Variants in HAPLN1 observed in about 807,000 individuals in gnomAD.
The protein encoded by HAPLN1 is hyaluronan and proteoglycan link protein 1.
In HAPLN1, 13 loss-of-function variants were observed where a neutral mutation model predicts 36.5. The observed-to-expected ratio is 0.36, with a 90% CI of 0.23 to 0.57. The LOEUF is 0.57. Ranked by LOEUF, HAPLN1 falls within the 20% of genes least tolerant of loss-of-function variation. The pLI, the probability that HAPLN1 is intolerant of heterozygous loss-of-function variation, is 0.83. For missense variants in HAPLN1, 407 were observed against 439.7 expected (o/e 0.93, Z 0.66); for synonymous variants, 202 against 169.8 (o/e 1.19, Z -1.48).
At chr5:83,684,893 G>T (rs979289546) in intron 1 of HAPLN1, among the ~76,000 whole-genome samples, 7 of 152,066 alleles carry the variant, frequency 4.6e-5, no homozygotes, top group Non-Finnish European at 2.9e-5. Context: ...TTCTCAATCT[G>T]ACATGCATAC....
intron 1 of HAPLN1, among the ~76,000 whole-genome samples, chr5:83,694,919 G>A (rs1242205948): frequency 6.6e-6 from 1 of 151,898 alleles, no homozygotes; most frequent in Non-Finnish European, 1.5e-5. Context: ...TATTCTATGA[G>A]GCTAGCATTA....
rs945971707 is a variant in HAPLN1 at position 83,640,361 on chromosome 5, T to C, written c.*1135A>G. 2 of 152,118 alleles carry C rather than the reference T, an allele frequency of 1.3e-5. No individual in the cohort carries two copies. Among genetic ancestry groups the C allele is most frequent in the African/African-American group, 2.4e-5 (1 of 41,450 alleles). 9.4% of individuals were successfully genotyped at this position (152,118 alleles called of 1,614,324 possible). A position where few individuals can be genotyped will look rare whatever the true frequency, so the allele number is the denominator to read the frequency against. On this transcript the variant is annotated 3_prime_UTR_variant, in exon 5 of 5. Coordinates refer to ENST00000274341, the MANE Select transcript of HAPLN1 (RefSeq NM_001884.4). The stretch of plus-strand genomic sequence containing the variant: ...ATGATGACCAGCAAGGAAAGTGACA[T>C]CATTAACCACATTTTCTGTTTGGGA...
At chr5:83,688,823 A>C (rs1751204955) in intron 1 of HAPLN1, among the ~76,000 whole-genome samples, 1 of 151,972 alleles carries the variant, frequency 6.6e-6, no homozygotes, top group Non-Finnish European at 1.5e-5. Context: ...TGCTATGTAC[A>C]GTGAGAAAGA....
chr5:83,719,945 G>A (rs1751986230), intron 1 of HAPLN1, among the ~76,000 whole-genome samples: 1 of 152,146 alleles, frequency 6.6e-6, no homozygotes, highest in African/African-American at 2.4e-5. Flanking sequence ...ATTCCCAAAT[G>A]TACTGGCCAC....
intron 1 of HAPLN1, among the ~76,000 whole-genome samples, chr5:83,691,761 T>C (rs1751280498): frequency 1.3e-5 from 2 of 151,792 alleles, no homozygotes; most frequent in Admixed American, 1.3e-4. Context: ...ATAGTAATAA[T>C]AATAATAAAG....
chr5:83,653,036 G>A (rs336971), intron 2 of HAPLN1, among the ~76,000 whole-genome samples: 145,801 of 152,220 alleles, frequency 0.96, 69,877 homozygotes, highest in East Asian at 1. Context: ...CCAAAGGGGA[G>A]GAAGTTACAT....
At chr5:83,681,161 C>T (rs960162786) in intron 1 of HAPLN1, among the ~76,000 whole-genome samples, 5 of 151,974 alleles carry the variant, frequency 3.3e-5, no homozygotes, top group East Asian at 1.9e-4. Context: ...TGTATAAAAT[C>T]GAATGACTCA....
chr5:83,706,063 T>A, intron 1 of HAPLN1, among the ~76,000 whole-genome samples: 1 of 98,754 alleles, frequency 1.0e-5, no homozygotes, highest in Non-Finnish European at 2.2e-5. Context: ...AGACCAAAAA[T>A]AAGCTCTAAA....
intron 1 of HAPLN1, among the ~76,000 whole-genome samples, chr5:83,703,748 A>G (rs1751563569): frequency 2.0e-5 from 3 of 152,148 alleles, no homozygotes; most frequent in African/African-American, 4.8e-5. Flanking sequence ...GGATGGGGAG[A>G]AAGCCAACAA....
Position 83,652,782 on chromosome 5 carries a change from T to G in HAPLN1, c.143A>C (p.Lys48Thr), listed in dbSNP as rs775898414. ...ATTGCCACCTCTGTGTGAAAACACCTTGGCTTGCTCTGCTTCCACAAGTAG... is the reference window on the plus strand; with the variant it reads ...ATTGCCACCTCTGTGTGAAAACACCGTGGCTTGCTCTGCTTCCACAAGTAG... ...PHLLVEAEQA[K>T]VFSHRGGNVT... The change falls in exon 3 of 5, where the codon AAG becomes ACG. Residue 48 changes from lysine to threonine, a missense_variant. Physicochemically the swap from Lys to Thr is moderately conservative, Grantham distance 78. Coordinates refer to ENST00000274341, the MANE Select transcript of HAPLN1 (RefSeq NM_001884.4). 1 of 1,612,448 alleles carries G rather than the reference T, an allele frequency of 6.2e-7. No homozygotes were observed. Among genetic ancestry groups the G allele is most frequent in the South Asian group, 1.1e-5 (1 of 91,016 alleles).
rs541926669 is a variant in HAPLN1, at chr5:83,679,713, G to A, written c.-26-6164C>T. On this transcript the variant is annotated intron_variant, in intron 1 of 4. Transcript: ENST00000274341. ...AATTGGAGCTATCCTGGATAGATGG[G>A]GAAATATGGCAATGGGTACAATGGA... Among the ~76,000 whole-genome samples, 69 of 152,254 alleles carry A rather than the reference G, an allele frequency of 4.5e-4. 1 individual carries two copies. Among genetic ancestry groups the A allele is most frequent in the African/African-American group, 1.6e-3 (66 of 41,538 alleles).
chr5:83,709,270 G>A (rs569801254), intron 1 of HAPLN1, among the ~76,000 whole-genome samples: 1 of 152,090 alleles, frequency 6.6e-6, no homozygotes, highest in East Asian at 1.9e-4. Context: ...TTTCATATTG[G>A]GCAAATGTTC....
At chr5:83,644,303 G>A in intron 4 of HAPLN1, 60 bp downstream of exon 4, 1 of 1,207,954 alleles carries the variant, frequency 8.3e-7, no homozygotes, top group Non-Finnish European at 1.1e-6. Context: ...GCCAAGTGTA[G>A]TGTTATAGTA....
At chr5:83,661,236 C>A (rs1750378908) in intron 2 of HAPLN1, among the ~76,000 whole-genome samples, 1 of 147,696 alleles carries the variant, frequency 6.8e-6, no homozygotes, top group Non-Finnish European at 1.5e-5. Flanking sequence ...GTGCCTATAT[C>A]TATCCATCTA....
rs374831207 is a variant in HAPLN1, at chr5:83,652,474, C to T, written c.451G>A (p.Val151Met). The part of the protein sequence containing the change: ...VIEGLEDDTV[V>M]VALDLQGVVF... ...ATACCTTGTAAGTCCAGTGCTACCA[C>T]AACAGTATCATCTTCTAATCCTTCA... The change falls in exon 3 of 5, where the codon GTG (valine) becomes ATG (methionine). Residue 151 changes from valine (V) to methionine (M), a missense_variant. Transcript: ENST00000274341. 110 of 1,613,766 alleles carry T rather than the reference C, an allele frequency of 6.8e-5. No homozygotes were observed. The highest frequency in any genetic ancestry group is 8.8e-5 in the Non-Finnish European group (104 of 1,179,838).
intron 1 of HAPLN1, among the ~76,000 whole-genome samples, chr5:83,695,609 T>C (rs1011166035): frequency 1.4e-5 from 2 of 142,782 alleles, no homozygotes; most frequent in Non-Finnish European, 3.1e-5. Flanking sequence ...TATATAGATA[T>C]CTATAGATAT....
Position 83,644,459 on chromosome 5 carries a change from C to A in HAPLN1, c.679G>T (p.Gly227Trp), listed in dbSNP as rs762585164. The A allele has an allele frequency of 4.3e-6, 7 of 1,613,324 alleles. No homozygotes were observed. The South Asian group carries it at 5.5e-5, about 13-fold the overall frequency. The change falls in exon 4 of 5, where the codon GGG (glycine) becomes TGG (tryptophan). Residue 227 changes from glycine to tryptophan, a missense_variant. Coordinates refer to ENST00000274341, the MANE Select transcript of HAPLN1 (RefSeq NM_001884.4). ...ACTCCGGGCACTGTGTTCTGCCCCC[C>A]ACAGGGCTCTCTGGGCTTTGTGATG... ...YPITKPREPCGGQNTVPGVRN... is the reference protein window; with the variant it reads ...YPITKPREPCWGQNTVPGVRN...
At chr5:83,657,896 A>G (rs923224384) in intron 2 of HAPLN1, among the ~76,000 whole-genome samples, 1 of 152,072 alleles carries the variant, frequency 6.6e-6, no homozygotes, top group Non-Finnish European at 1.5e-5. Flanking sequence ...CTCTACCACC[A>G]TCATTTAATT....
At chr5:83,666,682 A>G (rs1180405653) in intron 2 of HAPLN1, among the ~76,000 whole-genome samples, 1 of 152,146 alleles carries the variant, frequency 6.6e-6, no homozygotes, top group Non-Finnish European at 1.5e-5. Flanking sequence ...GATATAGTTC[A>G]AAGTTCTAAA....
Sources: gnomAD v4.1 joint callset for allele counts (sites outside exome capture counted in the v4.1 genomes callset) on GRCh38, gnomAD v4.1.1 for gene constraint, MANE v1.5 for transcripts, NCBI Gene and HGNC (gene_info 2026-07-23, HGNC 2026-07-21) for gene names.